LDLRAD4: variants seen among roughly 807,000 people sequenced by gnomAD.
The protein encoded by LDLRAD4 is low density lipoprotein receptor class A domain containing 4, also known as low-density lipoprotein receptor class A domain-containing protein 4.
Under a neutral mutation model 17.0 loss-of-function variants are expected in LDLRAD4, and 5 were observed. The observed-to-expected ratio is 0.29, with a 90% CI of 0.15 to 0.62. LDLRAD4 has a LOEUF of 0.62. LDLRAD4 is among the 20% of genes least tolerant of loss of function. LDLRAD4 has a pLI of 0.84. For synonymous variants in LDLRAD4, 168 were observed against 171.8 expected (o/e 0.98, Z 0.17); for missense variants, 340 against 424.7 (o/e 0.80, Z 1.75).
rs143760782 is a variant in LDLRAD4, at chr18:13,536,591, C to G, written c.182-84526C>G. 4.2e-3 allele frequency among the ~76,000 whole-genome samples: 635 copies of G among 151,968 alleles called. 5 individuals carry two copies. Among genetic ancestry groups the G allele is most frequent in the African/African-American group, 0.014 (600 of 41,480 alleles). On this transcript the variant is annotated intron_variant, in intron 3 of 5. Transcript: ENST00000359446. Reference sequence around the variant, plus strand: ...GCTGTTTTACATCTTTTTTTCCCAGCCTGTATGCCTTTAATGTCTTTTTTT... The same window carrying G: ...GCTGTTTTACATCTTTTTTTCCCAGGCTGTATGCCTTTAATGTCTTTTTTT...
At chr18:13,468,957 A>C (rs1238094947) in intron 3 of LDLRAD4, among the ~76,000 whole-genome samples, 1 of 152,128 alleles carries the variant, frequency 6.6e-6, no homozygotes, top group African/African-American at 2.4e-5. Flanking sequence ...ATATGTAACT[A>C]ACCTGCACAT....
At chr18:13,271,533 T>G (rs1006403488) in intron 1 of LDLRAD4, among the ~76,000 whole-genome samples, 1 of 152,222 alleles carries the variant, frequency 6.6e-6, no homozygotes, top group Non-Finnish European at 1.5e-5. Flanking sequence ...CGAAGGCCTC[T>G]TCTCAGTGTT....
At chr18:13,581,208 T>C (rs2094851941) in intron 3 of LDLRAD4, among the ~76,000 whole-genome samples, 1 of 152,246 alleles carries the variant, frequency 6.6e-6, no homozygotes, top group Admixed American at 6.5e-5. Context: ...TGTGACTGGC[T>C]CAGGAGGTCA....
chr18:13,228,813 C>T (rs530128421), intron 1 of LDLRAD4, among the ~76,000 whole-genome samples: 13 of 152,254 alleles, frequency 8.5e-5, no homozygotes, highest in Non-Finnish European at 5.9e-5. Flanking sequence ...ATTTTTTCAT[C>T]TGAAGAGTAA....
chr18:13,354,188 C>A (rs1380392251), intron 1 of LDLRAD4, among the ~76,000 whole-genome samples: 1 of 151,988 alleles, frequency 6.6e-6, no homozygotes, highest in Non-Finnish European at 1.5e-5. Flanking sequence ...CCATTGCCCT[C>A]CAGCCTTGGC....
At chr18:13,516,247 AG>A (rs1029960864) in intron 3 of LDLRAD4, 4 of 152,240 alleles carry the variant, frequency 2.6e-5, no homozygotes, top group Non-Finnish European at 5.9e-5. Context: ...AGAAAAAGTG[AG>A]GGTGTTGCAA....
At chr18:13,620,898 GCT>G in intron 3 of LDLRAD4, 1 of 614,680 alleles carries the variant, frequency 1.6e-6, no homozygotes. Flanking sequence ...GATGGCAGAG[GCT>G]TCCCGCTCCC....
intron 1 of LDLRAD4, among the ~76,000 whole-genome samples, chr18:13,383,106 C>G (rs372315395): frequency 8.5e-5 from 13 of 152,344 alleles, no homozygotes; most frequent in African/African-American, 3.1e-4. Flanking sequence ...AGCACCTCCA[C>G]CTGGGAAATG....
chr18:13,430,479 G>A (rs938051993), intron 2 of LDLRAD4, among the ~76,000 whole-genome samples: 1 of 151,922 alleles, frequency 6.6e-6, no homozygotes. Context: ...AGGCATACAA[G>A]GCTCTTCACA....
chr18:13,371,587 AC>A (rs1254134042), intron 1 of LDLRAD4, among the ~76,000 whole-genome samples: 4 of 151,750 alleles, frequency 2.6e-5, no homozygotes, highest in Non-Finnish European at 5.9e-5. Flanking sequence ...ACATGATGAA[AC>A]CCCATCTCCC....
At chr18:13,404,616 T>G (rs919244813) in intron 2 of LDLRAD4, among the ~76,000 whole-genome samples, 1 of 152,014 alleles carries the variant, frequency 6.6e-6, no homozygotes, top group Non-Finnish European at 1.5e-5. Flanking sequence ...GCTTACATGG[T>G]GAAACCCCGT....
At chr18:13,353,467 C>T (rs1479758055) in intron 1 of LDLRAD4, among the ~76,000 whole-genome samples, 4 of 152,304 alleles carry the variant, frequency 2.6e-5, no homozygotes, top group South Asian at 2.1e-4. Context: ...GGCTGCTGGA[C>T]CTTATGTATT....
intron 3 of LDLRAD4, among the ~76,000 whole-genome samples, chr18:13,578,862 G>T (rs1469172382): frequency 7.9e-5 from 3 of 37,898 alleles, no homozygotes; most frequent in Admixed American, 3.1e-4. Flanking sequence ...TTTTGTCAGA[G>T]ATCATGGTAG....
At chr18:13,323,688 A>G (rs1337672442) in intron 1 of LDLRAD4, among the ~76,000 whole-genome samples, 2 of 152,200 alleles carry the variant, frequency 1.3e-5, no homozygotes, top group Admixed American at 1.3e-4. Flanking sequence ...GACTGTGACT[A>G]TTGTTCAATA....
intron 3 of LDLRAD4, among the ~76,000 whole-genome samples, chr18:13,554,754 G>A (rs916595375): frequency 5.9e-5 from 9 of 152,034 alleles, no homozygotes; most frequent in African/African-American, 1.2e-4. Context: ...CCACTCTCAC[G>A]TTTTCAAATG....
chr18:13,451,854 C>T (rs2091856069), intron 3 of LDLRAD4, among the ~76,000 whole-genome samples: 2 of 152,250 alleles, frequency 1.3e-5, no homozygotes, highest in African/African-American at 4.8e-5. Flanking sequence ...AAAGGTCTCA[C>T]CTCCTAAGCT....
intron 3 of LDLRAD4, among the ~76,000 whole-genome samples, chr18:13,556,874 C>T (rs2094489620): frequency 6.6e-6 from 1 of 152,126 alleles, no homozygotes; most frequent in South Asian, 2.1e-4. Context: ...GCTCTTTTCC[C>T]CCGTCTAAAG....
intron 1 of LDLRAD4, among the ~76,000 whole-genome samples, chr18:13,293,042 C>T (rs2046058943): frequency 6.6e-6 from 1 of 152,248 alleles, no homozygotes; most frequent in African/African-American, 2.4e-5. Flanking sequence ...TGTGAACCTT[C>T]ACTGCTGACA....
intron 4 of LDLRAD4, among the ~76,000 whole-genome samples, chr18:13,633,615 G>A (rs530966457): frequency 2.0e-4 from 30 of 152,298 alleles, no homozygotes; most frequent in African/African-American, 6.7e-4. Flanking sequence ...TGACACACCT[G>A]GCCAAATTGT....
Sources: gnomAD v4.1 joint callset for allele counts (sites outside exome capture counted in the v4.1 genomes callset) on GRCh38, gnomAD v4.1.1 for gene constraint, MANE v1.5 for transcripts, NCBI Gene and HGNC (gene_info 2026-07-23, HGNC 2026-07-21) for gene names.